Variants in CTNNA2 observed in about 807,000 individuals in gnomAD.
CTNNA2 encodes catenin alpha 2.
In CTNNA2, 42 loss-of-function variants were observed where a neutral mutation model predicts 101.0. The ratio of observed to expected loss-of-function variants is 0.42; its 90% confidence interval spans 0.32 to 0.54. The LOEUF (loss-of-function observed/expected upper bound fraction) is 0.54. CTNNA2 is among the 20% of genes least tolerant of loss of function. CTNNA2 has a pLI of 0.14. For synonymous variants in CTNNA2, 450 were observed against 456.4 expected (o/e 0.99, Z 0.18); for missense variants, 871 against 1,223.1 (o/e 0.71, Z 4.29).
chr2:80,291,253 T>C (rs1255195494), intron 7 of CTNNA2, among the ~76,000 whole-genome samples: 4 of 152,244 alleles, frequency 2.6e-5, no homozygotes, highest in Non-Finnish European at 5.9e-5. Flanking sequence ...GGAGAATGCA[T>C]AGAAAGTTAC....
intron 7 of CTNNA2, among the ~76,000 whole-genome samples, chr2:80,335,089 C>T (rs976586116): frequency 6.6e-6 from 1 of 152,188 alleles, no homozygotes; most frequent in African/African-American, 2.4e-5. Context: ...AAGGTTCCAT[C>T]TCAGCTTAAA....
At chr2:80,150,060 T>G (rs2148926252) in intron 7 of CTNNA2, among the ~76,000 whole-genome samples, 1 of 152,286 alleles carries the variant, frequency 6.6e-6, no homozygotes, top group East Asian at 1.9e-4. Flanking sequence ...GCACATCTTC[T>G]CAGGGTCTGA....
At chr2:79,598,653 G>T (rs1304735644) in intron 1 of CTNNA2, among the ~76,000 whole-genome samples, 3 of 152,066 alleles carry the variant, frequency 2.0e-5, no homozygotes, top group African/African-American at 7.2e-5. Context: ...TTTAAATTAG[G>T]TTATCCATTT....
chr2:80,630,037 T>C (rs1672112617), intron 18 of CTNNA2, among the ~76,000 whole-genome samples: 1 of 152,096 alleles, frequency 6.6e-6, no homozygotes, highest in Non-Finnish European at 1.5e-5. Context: ...TCTCTAAAAG[T>C]CAGGCCCCTG....
intron 2 of CTNNA2, among the ~76,000 whole-genome samples, chr2:79,248,393 T>C (rs73938147): frequency 0.036 from 5,387 of 151,686 alleles, 266 homozygotes; most frequent in African/African-American, 0.11. Flanking sequence ...GTATAATTTC[T>C]ATATATAATA....
At chr2:79,519,954 T>C (rs1672015787) in intron 1 of CTNNA2, among the ~76,000 whole-genome samples, 1 of 152,210 alleles carries the variant, frequency 6.6e-6, no homozygotes, top group South Asian at 2.1e-4. Context: ...TAGAATGAAG[T>C]AATGTTTATT....
intron 2 of CTNNA2, among the ~76,000 whole-genome samples, chr2:79,734,689 G>A (rs114185298): frequency 8.9e-4 from 135 of 152,140 alleles, no homozygotes; most frequent in African/African-American, 2.7e-3. Context: ...GACTAATTTG[G>A]TAATAATCAT....
chr2:80,618,654 C>T (rs1699047838), intron 17 of CTNNA2: 1 of 152,718 alleles, frequency 6.5e-6, no homozygotes, highest in Admixed American at 6.6e-5. Flanking sequence ...AGGAAGGTCA[C>T]ACAGCAGGGC....
chr2:79,829,804 C>G (rs771166306), intron 3 of CTNNA2, among the ~76,000 whole-genome samples: 2 of 151,784 alleles, frequency 1.3e-5, no homozygotes, highest in Non-Finnish European at 1.5e-5. Flanking sequence ...ACTGCAAGCT[C>G]CGCCTCCCGG....
At chr2:80,374,766 C>G (rs1488254233) in intron 7 of CTNNA2, among the ~76,000 whole-genome samples, 1 of 150,824 alleles carries the variant, frequency 6.6e-6, no homozygotes, top group Non-Finnish European at 1.5e-5. Flanking sequence ...GGGCTGAGAT[C>G]GTTAGGACTA....
chr2:80,466,096 A>G (rs1383396832), intron 9 of CTNNA2, among the ~76,000 whole-genome samples: 1 of 152,130 alleles, frequency 6.6e-6, no homozygotes, highest in Admixed American at 6.5e-5. Flanking sequence ...GCAACTTGTT[A>G]TATGTTCTTC....
chr2:79,708,223 T>C (rs1368997439), intron 2 of CTNNA2, among the ~76,000 whole-genome samples: 4 of 152,230 alleles, frequency 2.6e-5, no homozygotes, highest in African/African-American at 9.6e-5. Flanking sequence ...GCCCCAGTAG[T>C]TCAAGTTGCC....
Position 79,442,197 on chromosome 2 carries a change from A to G in CTNNA2, c.-134-62857A>G, listed in dbSNP as rs149346038. On this transcript the variant is annotated intron_variant, in intron 4 of 21. Coordinates refer to the CTNNA2 transcript ENST00000466387. ...TTTTATCCAACAATTAGCACAAATC[A>G]GTAGTATAAAATCAGCTCTCAATAA... is the stretch of plus-strand genomic sequence containing the variant. 3.9e-5 allele frequency among the ~76,000 whole-genome samples: 6 copies of G among 152,340 alleles called. No homozygotes were observed. In the East Asian group the frequency reaches 1.2e-3, roughly 29 times the overall value.
intron 7 of CTNNA2, among the ~76,000 whole-genome samples, chr2:79,992,317 T>C (rs1692239108): frequency 6.6e-6 from 1 of 151,966 alleles, no homozygotes; most frequent in South Asian, 2.1e-4. Flanking sequence ...AGAAAAGAAA[T>C]GATTATATTT....
At chr2:80,170,258 T>C (rs1704970192) in intron 7 of CTNNA2, among the ~76,000 whole-genome samples, 1 of 152,084 alleles carries the variant, frequency 6.6e-6, no homozygotes, top group Non-Finnish European at 1.5e-5. Context: ...TTTGTGTGTG[T>C]GTGTGGAGTA....
intron 7 of CTNNA2, among the ~76,000 whole-genome samples, chr2:80,379,977 A>G (rs973317886): frequency 6.6e-6 from 1 of 151,846 alleles, no homozygotes; most frequent in Admixed American, 6.6e-5. Flanking sequence ...AAGTTACGTA[A>G]AAGTTTTCAT....
At position 80,321,895 on chromosome 2, in the gene CTNNA2, G is replaced by GA. The variant is rs555369349; in HGVS notation, c.1057-71312dup. ...GCATGGTAGGTAATCTATACTCTAG[G>GA]AAAAGCTATAGCCCTTCTGAAGATT... On this transcript the variant is annotated intron_variant, in intron 7 of 18. Transcript: ENST00000402739. 1.1e-4 allele frequency among the ~76,000 whole-genome samples: 17 copies of GA among 152,114 alleles called. 1 individual carries two copies. The highest frequency in any genetic ancestry group is 1.1e-3 in the Admixed American group (17 of 15,292).
At chr2:80,083,332 T>C (rs1699258615) in intron 7 of CTNNA2, among the ~76,000 whole-genome samples, 1 of 152,142 alleles carries the variant, frequency 6.6e-6, no homozygotes, top group Admixed American at 6.6e-5. Context: ...TACGGGAACA[T>C]TGTTTTAATC....
intron 7 of CTNNA2, among the ~76,000 whole-genome samples, chr2:79,928,096 C>G (rs1323381354): frequency 1.3e-5 from 2 of 152,124 alleles, no homozygotes; most frequent in African/African-American, 4.8e-5. Context: ...CACAGGTATT[C>G]TTTAATTGTA....
Sources: allele counts gnomAD v4.1 joint callset (sites outside exome capture counted in the v4.1 genomes callset), GRCh38; gene constraint gnomAD v4.1.1; transcripts MANE v1.5; gene names NCBI Gene and HGNC (gene_info 2026-07-23, HGNC 2026-07-21).